STAG1: variants seen among roughly 807,000 people sequenced by gnomAD.
The protein encoded by STAG1 is cohesin subunit SA-1.
STAG1 carries 26 observed loss-of-function variants against 170.9 expected under a neutral mutation model. That is an observed-to-expected ratio of 0.15 (90% CI 0.11 to 0.21). The LOEUF is 0.21. Among genes scored for constraint, STAG1 ranks in the 10% least tolerant of loss-of-function variants. STAG1 has a pLI of 1.00. For missense variants in STAG1, 964 were observed against 1,509.5 expected (o/e 0.64, Z 5.99); for synonymous variants, 514 against 497.7 (o/e 1.03, Z -0.44).
chr3:136,405,689 T>C (rs1222596345), intron 21 of STAG1, among the ~76,000 whole-genome samples: 1 of 147,720 alleles, frequency 6.8e-6, no homozygotes, highest in Non-Finnish European at 1.5e-5. Flanking sequence ...ACCCCGTTTC[T>C]ATTAAAAATA....
At chr3:136,615,366 G>A (rs1319366929) in intron 3 of STAG1, among the ~76,000 whole-genome samples, 2 of 136,826 alleles carry the variant, frequency 1.5e-5, no homozygotes, top group Non-Finnish European at 3.0e-5. Flanking sequence ...AAATGGCATT[G>A]CCTGTGAGCT....
chr3:136,364,279 C>T (rs1936989503), intron 25 of STAG1, among the ~76,000 whole-genome samples: 1 of 145,008 alleles, frequency 6.9e-6, no homozygotes, highest in South Asian at 2.2e-4. Flanking sequence ...GACAGGGTTT[C>T]ACCATGTTGG....
intron 1 of STAG1, among the ~76,000 whole-genome samples, chr3:136,658,221 AGG>A (rs1363470155): frequency 6.6e-6 from 1 of 152,056 alleles, no homozygotes; most frequent in East Asian, 1.9e-4. Flanking sequence ...AGCATTTCCA[AGG>A]GGTAATACTG....
chr3:136,701,579 G>A (rs1008721130), intron 1 of STAG1, among the ~76,000 whole-genome samples: 11 of 151,986 alleles, frequency 7.2e-5, no homozygotes, highest in African/African-American at 1.9e-4. Context: ...CTTAACAGCC[G>A]GTATGCCCCC....
At chr3:136,558,698 C>T (rs989024630) in intron 5 of STAG1, among the ~76,000 whole-genome samples, 6 of 152,210 alleles carry the variant, frequency 3.9e-5, no homozygotes, top group Admixed American at 1.3e-4. Flanking sequence ...GTTACAACTA[C>T]TTCAGAGAAA....
intron 6 of STAG1, among the ~76,000 whole-genome samples, chr3:136,537,271 T>C (rs1935677580): frequency 6.6e-6 from 1 of 152,176 alleles, no homozygotes; most frequent in African/African-American, 2.4e-5. Flanking sequence ...AAGAAATTAA[T>C]TGCTGCTAAT....
chr3:136,502,549 G>A (rs1394198498), intron 8 of STAG1, 79 bp downstream of exon 8: 3 of 1,423,184 alleles, frequency 2.1e-6, no homozygotes, highest in East Asian at 2.4e-5. Flanking sequence ...CCTTTTTACA[G>A]GGAACTTAAA....
rs937102332 is a variant in STAG1 at position 136,349,067 on chromosome 3, T to G, written c.3271+91A>C. ...AAAATATACAAGAAAATCATGTGCC[T>G]GATACTATTATCTTGCTTCAAAAGA... On this transcript the variant is annotated intron_variant, in intron 29 of 33. Transcript: ENST00000383202. 5.1e-6 allele frequency: 5 copies of G among 983,524 alleles called. No homozygotes were observed. The Admixed American group carries it at 5.5e-5, about 11-fold the overall frequency. The allele number at this position is 983,524 out of a possible 1,614,324, so 60.9% of individuals were successfully genotyped here. A position where few individuals can be genotyped will look rare whatever the true frequency, so the allele number is the denominator to read the frequency against.
At chr3:136,639,489 T>C (rs1364937294) in intron 1 of STAG1, among the ~76,000 whole-genome samples, 2 of 152,186 alleles carry the variant, frequency 1.3e-5, no homozygotes, top group East Asian at 3.8e-4. Context: ...CAAATAAGAA[T>C]TGTGTGACAA....
At chr3:136,743,440 G>A (rs563795964) in intron 1 of STAG1, among the ~76,000 whole-genome samples, 1 of 151,240 alleles carries the variant, frequency 6.6e-6, no homozygotes, top group African/African-American at 2.4e-5. Context: ...ACAGACATTA[G>A]AAGGATAGCA....
intron 22 of STAG1, among the ~76,000 whole-genome samples, chr3:136,395,016 G>A (rs1386690145): frequency 6.6e-6 from 1 of 150,706 alleles, no homozygotes; most frequent in Non-Finnish European, 1.5e-5. Context: ...AGGGGCTGAG[G>A]TGGGAGGATC....
chr3:136,505,689 G>A (rs915837096), intron 7 of STAG1, among the ~76,000 whole-genome samples: 2 of 152,146 alleles, frequency 1.3e-5, no homozygotes, highest in African/African-American at 4.8e-5. Flanking sequence ...ACTTCCTTTT[G>A]TGATTTTTAC....
intron 12 of STAG1, among the ~76,000 whole-genome samples, chr3:136,468,786 C>T (rs1559822249): frequency 6.6e-6 from 1 of 152,162 alleles, no homozygotes. Context: ...AGCTTAGCCA[C>T]CATGATCAAG....
intron 1 of STAG1, among the ~76,000 whole-genome samples, chr3:136,631,797 C>A (rs1391872850): frequency 6.6e-6 from 1 of 152,058 alleles, no homozygotes; most frequent in Non-Finnish European, 1.5e-5. Context: ...TATACCGTAT[C>A]AAATGGAATA....
chr3:136,580,419 C>A (rs35864628), intron 4 of STAG1, among the ~76,000 whole-genome samples: 63 of 151,234 alleles, frequency 4.2e-4, no homozygotes, highest in Middle Eastern at 6.8e-3. Flanking sequence ...AGATTAGAAG[C>A]ACTAAACAGT....
At chr3:136,699,784 A>G (rs76672922) in intron 1 of STAG1, among the ~76,000 whole-genome samples, 5 of 152,198 alleles carry the variant, frequency 3.3e-5, no homozygotes, top group African/African-American at 1.2e-4. Context: ...TACTAATGTA[A>G]TATATAATCC....
chr3:136,442,941 C>A (rs2088674603), intron 15 of STAG1, among the ~76,000 whole-genome samples: 1 of 152,098 alleles, frequency 6.6e-6, no homozygotes, highest in Admixed American at 6.5e-5. Flanking sequence ...CCCAGTAGTT[C>A]AAGGCTGCAG....
At chr3:136,734,915 A>G (rs1296777659) in intron 1 of STAG1, among the ~76,000 whole-genome samples, 1 of 152,192 alleles carries the variant, frequency 6.6e-6, no homozygotes. Context: ...CCAGGCAAAT[A>G]CCTCATGATC....
intron 1 of STAG1, among the ~76,000 whole-genome samples, chr3:136,708,366 C>A (rs939333505): frequency 6.6e-6 from 1 of 151,246 alleles, no homozygotes; most frequent in African/African-American, 2.4e-5. Context: ...GTAAAAGAAG[C>A]CAAATATTAT....
Sources: allele counts gnomAD v4.1 joint callset (sites outside exome capture counted in the v4.1 genomes callset), GRCh38; gene constraint gnomAD v4.1.1; transcripts MANE v1.5; gene names NCBI Gene and HGNC (gene_info 2026-07-23, HGNC 2026-07-21).